AHCYL2: variants seen among roughly 807,000 people sequenced by gnomAD.
AHCYL2 encodes the protein adenosylhomocysteinase like 2.
In AHCYL2, 28 loss-of-function variants were observed where a neutral mutation model predicts 81.4. The observed-to-expected ratio is 0.34, with a 90% CI of 0.25 to 0.47. The LOEUF is 0.47. Ranked by LOEUF, AHCYL2 falls within the 20% of genes least tolerant of loss-of-function variation. AHCYL2 has a pLI of 1.00. For synonymous variants in AHCYL2, 272 were observed against 290.2 expected, an observed-to-expected ratio of 0.94 and a Z score of 0.64; for missense variants, 551 against 785.1, an observed-to-expected ratio of 0.70 and a Z score of 3.56.
intron 1 of AHCYL2, among the ~76,000 whole-genome samples, chr7:129,253,539 G>C (rs1428673518): frequency 6.6e-6 from 1 of 152,180 alleles, no homozygotes; most frequent in Non-Finnish European, 1.5e-5. Flanking sequence ...GGCAAACACT[G>C]TATTTTGCTA....
chr7:129,369,915 T>G (rs1282861777), intron 1 of AHCYL2, among the ~76,000 whole-genome samples: 1 of 152,210 alleles, frequency 6.6e-6, no homozygotes, highest in Non-Finnish European at 1.5e-5. Flanking sequence ...TTATTCCAAG[T>G]AACATAGTGT....
intron 1 of AHCYL2, among the ~76,000 whole-genome samples, chr7:129,353,587 A>G (rs984309249): frequency 1.3e-5 from 2 of 150,770 alleles, no homozygotes; most frequent in Non-Finnish European, 2.9e-5. Flanking sequence ...CGTCTCCCTT[A>G]TTAGATAAAA....
rs546859666 is a variant in AHCYL2, at chr7:129,405,667, A to T, written c.1143-169A>T. ...ACAGGTCTTTTAGAATTTGTCTAGC[A>T]GGTTTTCTGGTCTTTACCAGAAAAC... On this transcript the variant is annotated intron_variant, in intron 8 of 16. Coordinates refer to ENST00000325006, the MANE Select transcript of AHCYL2 (RefSeq NM_015328.4). Among the ~76,000 whole-genome samples, 105 of 152,260 alleles carry T rather than the reference A, an allele frequency of 6.9e-4. No individual in the cohort carries two copies. The Middle Eastern group carries it at 0.01, about 15-fold the overall frequency.
At chr7:129,352,740 C>G (rs1329927788) in intron 1 of AHCYL2, among the ~76,000 whole-genome samples, 1 of 152,148 alleles carries the variant, frequency 6.6e-6, no homozygotes, top group Non-Finnish European at 1.5e-5. Context: ...CACTTGATCT[C>G]CTGCATCAGG....
At chr7:129,407,096 T>A (rs1796343132) in intron 10 of AHCYL2, among the ~76,000 whole-genome samples, 1 of 152,204 alleles carries the variant, frequency 6.6e-6, no homozygotes, top group Admixed American at 6.5e-5. Context: ...ATGCCTGTAA[T>A]CCCAGCACTT....
chr7:129,328,288 C>T (rs907743072), intron 1 of AHCYL2, among the ~76,000 whole-genome samples: 1 of 152,144 alleles, frequency 6.6e-6, no homozygotes, highest in Non-Finnish European at 1.5e-5. Flanking sequence ...AGTGATTTGC[C>T]TGTCTCAGCC....
intron 1 of AHCYL2, among the ~76,000 whole-genome samples, chr7:129,275,145 G>C (rs1017651914): frequency 3.3e-5 from 5 of 152,192 alleles, no homozygotes; most frequent in South Asian, 2.1e-4. Flanking sequence ...AACTTTGGGA[G>C]GCTGAGGCGG....
intron 1 of AHCYL2, among the ~76,000 whole-genome samples, chr7:129,360,184 T>A (rs1330072072): frequency 1.3e-5 from 2 of 151,948 alleles, no homozygotes; most frequent in African/African-American, 2.4e-5. Context: ...GGCATGATCT[T>A]GGCTCACCGC....
At chr7:129,424,312 A>C (rs549900100) in intron 13 of AHCYL2, among the ~76,000 whole-genome samples, 28 of 152,094 alleles carry the variant, frequency 1.8e-4, no homozygotes, top group Admixed American at 9.8e-4. Context: ...AGGCAGGAGA[A>C]TCACTTGAAC....
intron 13 of AHCYL2, among the ~76,000 whole-genome samples, chr7:129,423,517 C>T (rs1383953055): frequency 6.6e-6 from 1 of 152,098 alleles, no homozygotes; most frequent in African/African-American, 2.4e-5. Context: ...AGTGTTTGAC[C>T]ACTTTTCCTT....
At chr7:129,345,851 A>T (rs945883299) in intron 1 of AHCYL2, among the ~76,000 whole-genome samples, 1 of 152,124 alleles carries the variant, frequency 6.6e-6, no homozygotes, top group Admixed American at 6.5e-5. Context: ...AATTATTGAC[A>T]TAGGTAATCC....
chr7:129,416,498 C>T (rs539474705), intron 12 of AHCYL2, among the ~76,000 whole-genome samples: 2 of 152,148 alleles, frequency 1.3e-5, no homozygotes, highest in South Asian at 4.2e-4. Context: ...GGCTGTGACC[C>T]TTATTAAGAA....
intron 1 of AHCYL2, among the ~76,000 whole-genome samples, chr7:129,273,321 CTTTTTTTTTT>C (rs35236990): frequency 1.2e-4 from 9 of 75,896 alleles, no homozygotes; most frequent in East Asian, 4.8e-4. Flanking sequence ...TTTGCTAAGA[CTTTTTTTTTT>C]TTTTTTTTTT....
chr7:129,383,250 C>T (rs1465838201), intron 2 of AHCYL2, among the ~76,000 whole-genome samples: 3 of 151,972 alleles, frequency 2.0e-5, no homozygotes, highest in Non-Finnish European at 4.4e-5. Context: ...ACTGTAGCCT[C>T]GAACTCTTGG....
At chr7:129,416,204 ATAAG>A (rs1325889295) in intron 12 of AHCYL2, among the ~76,000 whole-genome samples, 2 of 152,182 alleles carry the variant, frequency 1.3e-5, no homozygotes, top group African/African-American at 4.8e-5. Context: ...CAGCCCAGAC[ATAAG>A]TAACCTCCTA....
chr7:129,253,347 C>T (rs990431053), intron 1 of AHCYL2, among the ~76,000 whole-genome samples: 4 of 152,110 alleles, frequency 2.6e-5, no homozygotes, highest in Non-Finnish European at 5.9e-5. Context: ...AGCAGAGTAT[C>T]GAAGAATACT....
rs1298144545 is a variant in AHCYL2 at position 129,349,458 on chromosome 7, C to T, written c.364-30180C>T. Among the ~76,000 whole-genome samples, 12 of 125,808 alleles carry T rather than the reference C, an allele frequency of 9.5e-5. 1 individual carries two copies. The highest frequency in any genetic ancestry group is 3.2e-4 in the African/African-American group (11 of 34,912). 82.5% of individuals were successfully genotyped at this position (125,808 alleles called of 152,430 possible). On this transcript the variant is annotated intron_variant, in intron 1 of 16. Transcript: ENST00000325006. ...CTAGCCTGGCCAACATGGTGAAACC[C>T]CATCTCTACCAAAAAAAAAAAAAAA... is the stretch of plus-strand genomic sequence containing the variant.
At chr7:129,259,758 T>A (rs562016530) in intron 1 of AHCYL2, among the ~76,000 whole-genome samples, 1 of 152,094 alleles carries the variant, frequency 6.6e-6, no homozygotes, top group African/African-American at 2.4e-5. Flanking sequence ...GAAATAAAAT[T>A]TAACTAGTAG....
intron 1 of AHCYL2, among the ~76,000 whole-genome samples, chr7:129,233,947 T>C (rs1794541662): frequency 6.6e-6 from 1 of 152,152 alleles, no homozygotes; most frequent in Admixed American, 6.6e-5. Context: ...CTTCATTCTG[T>C]CAAGACCAAT....
Sources: allele counts gnomAD v4.1 joint callset (sites outside exome capture counted in the v4.1 genomes callset), GRCh38; gene constraint gnomAD v4.1.1; transcripts MANE v1.5; gene names NCBI Gene and HGNC (gene_info 2026-07-23, HGNC 2026-07-21).